The following SEMA3D variants were observed in gnomAD, a reference collection of about 807,000 sequenced individuals.
The protein encoded by SEMA3D is semaphorin 3D.
In SEMA3D, 84 loss-of-function variants were observed where a neutral mutation model predicts 100.1. The observed-to-expected ratio is 0.84, with a 90% CI of 0.70 to 1.01. The LOEUF (loss-of-function observed/expected upper bound fraction) is 1.01. SEMA3D is among the 50% of genes least tolerant of loss of function. The pLI is 0.00. For synonymous variants in SEMA3D, 312 were observed against 320.7 expected (o/e 0.97, Z 0.29); for missense variants, 875 against 934.1 (o/e 0.94, Z 0.82).
chr7:85,190,435 G>A (rs1184854952), upstream of SEMA3D, among the ~76,000 whole-genome samples: 3 of 151,958 alleles, frequency 2.0e-5, no homozygotes, highest in African/African-American at 7.3e-5. Flanking sequence ...CAAGAAAATC[G>A]GCGTGTATGT....
intron 10 of SEMA3D, chr7:85,040,959 A>T (rs1790844340): frequency 3.2e-6 from 1 of 316,096 alleles, no homozygotes; most frequent in Non-Finnish European, 5.7e-6. Context: ...TCCAATTGGA[A>T]ATCTGATTTC....
At chr7:85,220,672 T>A in the SEMA3D span, among the ~76,000 whole-genome samples, 6 of 152,124 alleles carry the variant, frequency 3.9e-5, no homozygotes, top group Non-Finnish European at 5.9e-5. Context: ...TGTTATGGGC[T>A]TTATCAACTC....
chr7:85,238,327 T>G, the SEMA3D span, among the ~76,000 whole-genome samples: 1 of 152,190 alleles, frequency 6.6e-6, no homozygotes, highest in African/African-American at 2.4e-5. Context: ...TCTAGAGGTT[T>G]TATAGTTTTC....
At chr7:85,071,244 C>T (rs750831851) in intron 6 of SEMA3D, among the ~76,000 whole-genome samples, 2 of 152,150 alleles carry the variant, frequency 1.3e-5, no homozygotes, top group Non-Finnish European at 2.9e-5. Context: ...GACAAGAGAA[C>T]ATTACACCAC....
chr7:85,136,188 G>A (rs926809276), intron 2 of SEMA3D, among the ~76,000 whole-genome samples: 1 of 152,120 alleles, frequency 6.6e-6, no homozygotes, highest in Non-Finnish European at 1.5e-5. Context: ...CCAATGAAGA[G>A]CAACGAATTC....
At chr7:85,109,883 T>C (rs1181055487) in intron 3 of SEMA3D, among the ~76,000 whole-genome samples, 3 of 152,004 alleles carry the variant, frequency 2.0e-5, no homozygotes, top group Admixed American at 6.6e-5. Flanking sequence ...CAATAGTTTA[T>C]AGAATAGTAA....
chr7:85,117,873 AAAT>A (rs1377273184), intron 3 of SEMA3D, among the ~76,000 whole-genome samples: 1 of 150,994 alleles, frequency 6.6e-6, no homozygotes, highest in Non-Finnish European at 1.5e-5. Context: ...ATAGATATAA[AAAT>A]ATATCTTTTT....
intron 4 of SEMA3D, among the ~76,000 whole-genome samples, chr7:85,089,321 A>T (rs1020170797): frequency 3.9e-5 from 6 of 152,122 alleles, no homozygotes; most frequent in Non-Finnish European, 7.4e-5. Context: ...CTTCTAGATG[A>T]TCCCTTCTTA....
the SEMA3D span, among the ~76,000 whole-genome samples, chr7:85,219,501 T>C: frequency 0.13 from 20,127 of 151,988 alleles, 2,912 homozygotes; most frequent in African/African-American, 0.36. Context: ...CTCTTTATCA[T>C]ATGGTAAATA....
In SEMA3D at chr7:85,095,179, G is replaced by T. The variant is rs547142253; in HGVS notation, c.312+2626C>A. ...TAGACTCAAAATCTAGTCTAAACAAGAGTAAAGATAGTAAAAAGATATTAT... is the reference window on the plus strand; with the variant it reads ...TAGACTCAAAATCTAGTCTAAACAATAGTAAAGATAGTAAAAAGATATTAT... On this transcript the variant is annotated intron_variant, in intron 4 of 18. Transcript: ENST00000284136. 7.2e-5 allele frequency among the ~76,000 whole-genome samples: 11 copies of T among 152,004 alleles called. No homozygotes were observed. The South Asian group carries it at 2.3e-3, about 32-fold the overall frequency.
At chr7:85,045,050 T>C (rs542175558) in intron 9 of SEMA3D, among the ~76,000 whole-genome samples, 41 of 152,140 alleles carry the variant, frequency 2.7e-4, no homozygotes, top group African/African-American at 9.4e-4. Context: ...GATTTCATTA[T>C]AGTGGGAAAA....
At chr7:85,148,835 T>G (rs911732866) in intron 2 of SEMA3D, among the ~76,000 whole-genome samples, 10 of 151,704 alleles carry the variant, frequency 6.6e-5, no homozygotes, top group Admixed American at 1.3e-4. Flanking sequence ...GTAGATTTTT[T>G]TTGTTGTGGG....
chr7:85,143,488 G>T (rs1790113212), intron 2 of SEMA3D, among the ~76,000 whole-genome samples: 1 of 152,056 alleles, frequency 6.6e-6, no homozygotes, highest in African/African-American at 2.4e-5. Flanking sequence ...TTACTGTACT[G>T]AACACTATAA....
intron 2 of SEMA3D, chr7:85,142,907 T>C: frequency 1.0e-6 from 1 of 985,276 alleles, no homozygotes. Context: ...TGAAAAGACT[T>C]TCTCTGGGAA....
At chr7:85,194,058 A>G in the SEMA3D span, among the ~76,000 whole-genome samples, 2 of 152,174 alleles carry the variant, frequency 1.3e-5, no homozygotes, top group African/African-American at 4.8e-5. Flanking sequence ...GCTTTATACC[A>G]TGCAACCTTG....
intron 12 of SEMA3D, chr7:85,029,422 G>A (rs1790482331): frequency 1.3e-6 from 1 of 796,004 alleles, no homozygotes; most frequent in Non-Finnish European, 2.2e-6. Context: ...TGCTGAAGAT[G>A]AGAAACTTCA....
At chr7:85,194,171 T>C in the SEMA3D span, among the ~76,000 whole-genome samples, 1 of 152,206 alleles carries the variant, frequency 6.6e-6, no homozygotes, top group Admixed American at 6.5e-5. Context: ...TTATTTCTTC[T>C]TTACCTATCA....
chr7:85,187,916 T>C (rs761245445), upstream of SEMA3D, among the ~76,000 whole-genome samples: 8 of 152,196 alleles, frequency 5.3e-5, no homozygotes, highest in Non-Finnish European at 7.3e-5. Flanking sequence ...TCCTTTGTGA[T>C]GGGATATCCA....
chr7:85,185,261 G>A (rs998741218), intron 1 of SEMA3D, among the ~76,000 whole-genome samples: 1 of 151,982 alleles, frequency 6.6e-6, no homozygotes, highest in Non-Finnish European at 1.5e-5. Context: ...ACCAGACCCA[G>A]GAGATGTCTC....
Sources: allele counts gnomAD v4.1 joint callset (sites outside exome capture counted in the v4.1 genomes callset), GRCh38; gene constraint gnomAD v4.1.1; transcripts MANE v1.5; gene names NCBI Gene and HGNC (gene_info 2026-07-23, HGNC 2026-07-21).